The following SLC6A17 variants were observed in gnomAD, a reference collection of about 807,000 sequenced individuals.
The protein encoded by SLC6A17 is solute carrier family 6 member 17, also known as sodium-dependent neutral amino acid transporter SLC6A17.
SLC6A17 carries 21 observed loss-of-function variants against 64.5 expected under a neutral mutation model. The ratio of observed to expected loss-of-function variants is 0.33; its 90% confidence interval spans 0.23 to 0.47. The LOEUF (loss-of-function observed/expected upper bound fraction) is 0.47. SLC6A17 is among the 20% of genes least tolerant of loss of function. The pLI, the probability that SLC6A17 is intolerant of heterozygous loss-of-function variation, is 1.00. For synonymous variants in SLC6A17, 372 were observed against 399.5 expected (o/e 0.93, Z 0.82); for missense variants, 682 against 963.2 (o/e 0.71, Z 3.86).
intron 1 of SLC6A17, among the ~76,000 whole-genome samples, chr1:110,162,697 A>T (rs1266823354): frequency 6.6e-6 from 1 of 152,180 alleles, no homozygotes; most frequent in Non-Finnish European, 1.5e-5. Flanking sequence ...TCACCAGCAC[A>T]TGGCTTCAGG....
At chr1:110,197,636 A>G in intron 11 of SLC6A17, 37 bp downstream of exon 11, 1 of 1,554,512 alleles carries the variant, frequency 6.4e-7, no homozygotes, top group Non-Finnish European at 8.7e-7. Flanking sequence ...GGACATTTGC[A>G]TCTTCTCAGG....
chr1:110,190,632 C>G (rs978743170), intron 6 of SLC6A17, among the ~76,000 whole-genome samples: 14 of 152,222 alleles, frequency 9.2e-5, no homozygotes, highest in African/African-American at 3.4e-4. Flanking sequence ...GACTTACCCA[C>G]AGGTACTCAG....
At chr1:110,187,831 A>G (rs898921531) in intron 6 of SLC6A17, among the ~76,000 whole-genome samples, 5 of 152,362 alleles carry the variant, frequency 3.3e-5, no homozygotes, top group African/African-American at 1.2e-4. Context: ...AAACTCACCC[A>G]AGAGATGGGA....
rs1657040900 is a variant in SLC6A17 at position 110,198,776 on chromosome 1, C to G, written c.*332C>G. 2 of 244,276 alleles carry G rather than the reference C, an allele frequency of 8.2e-6. No individual in the cohort carries two copies. The highest frequency in any genetic ancestry group is 1.6e-5 in the Non-Finnish European group (2 of 126,718). The allele number at this position is 244,276 out of a possible 1,614,324, so 15.1% of individuals were successfully genotyped here. ...TTCCAAGTGGCCACTGCAGGAGTCACTCACCTCCCTCTCTCCCTGTAACTT... is the reference window on the plus strand; with the variant it reads ...TTCCAAGTGGCCACTGCAGGAGTCAGTCACCTCCCTCTCTCCCTGTAACTT... On this transcript the variant is annotated 3_prime_UTR_variant, in exon 12 of 12. Coordinates refer to ENST00000331565, the MANE Select transcript of SLC6A17 (RefSeq NM_001010898.4).
chr1:110,198,024 G>T, intron 11 of SLC6A17, 52 bp from the exon 12 acceptor site: 31 of 1,558,656 alleles, frequency 2.0e-5, no homozygotes, highest in Non-Finnish European at 2.7e-5. Context: ...GGGCCTGGGC[G>T]GGGAGGGCTG....
At chr1:110,180,468 G>C (rs2101851484) in intron 6 of SLC6A17, among the ~76,000 whole-genome samples, 1 of 152,254 alleles carries the variant, frequency 6.6e-6, no homozygotes, top group East Asian at 1.9e-4. Context: ...AGGAAGCTCT[G>C]GGGGGCTCCA....
At chr1:110,159,755 G>A (rs1217581335) in intron 1 of SLC6A17, among the ~76,000 whole-genome samples, 1 of 152,188 alleles carries the variant, frequency 6.6e-6, no homozygotes, top group African/African-American at 2.4e-5. Context: ...ACTGTCACTT[G>A]GGGCATCCTT....
chr1:110,200,388 A>C lies in SLC6A17; in HGVS notation c.*1944A>C, dbSNP rs1557844307. The C allele has an allele frequency of 9.6e-6, 3 of 312,886 alleles. No homozygotes were observed. The highest frequency in any genetic ancestry group is 1.7e-5 in the Non-Finnish European group (3 of 172,300). 19.4% of individuals were successfully genotyped at this position (312,886 alleles called of 1,614,324 possible). Reference sequence around the variant, plus strand: ...ACCGCAGTCCCCCTCACCCGACAACACCTCCTACCTGGCCCCTTGCCAAAT... The same window carrying C: ...ACCGCAGTCCCCCTCACCCGACAACCCCTCCTACCTGGCCCCTTGCCAAAT... On this transcript the variant is annotated 3_prime_UTR_variant, in exon 12 of 12. Coordinates refer to ENST00000331565, the MANE Select transcript of SLC6A17 (RefSeq NM_001010898.4).
At chr1:110,162,277 C>T (rs1410133490) in intron 1 of SLC6A17, among the ~76,000 whole-genome samples, 1 of 152,244 alleles carries the variant, frequency 6.6e-6, no homozygotes, top group Non-Finnish European at 1.5e-5. Flanking sequence ...TGGAGGGTGG[C>T]AGGGCAGACA....
chr1:110,171,034 G>C (rs1656210475), intron 2 of SLC6A17, among the ~76,000 whole-genome samples: 1 of 152,224 alleles, frequency 6.6e-6, no homozygotes, highest in Non-Finnish European at 1.5e-5. Flanking sequence ...CCAACTGCCA[G>C]AATTTGTGCC....
intron 6 of SLC6A17, among the ~76,000 whole-genome samples, chr1:110,182,345 T>A (rs1441781359): frequency 6.6e-6 from 1 of 151,964 alleles, no homozygotes; most frequent in Admixed American, 6.6e-5. Flanking sequence ...ACATCAAGAG[T>A]ACTCTTTTGG....
intron 1 of SLC6A17, chr1:110,166,297 T>C (rs1288153857): frequency 2.0e-5 from 3 of 152,072 alleles, no homozygotes; most frequent in East Asian, 3.9e-4. Context: ...TTTTTTTTTT[T>C]TAAATCACCT....
At chr1:110,157,688 C>G (rs922807919) in intron 1 of SLC6A17, among the ~76,000 whole-genome samples, 1 of 152,202 alleles carries the variant, frequency 6.6e-6, no homozygotes, top group East Asian at 1.9e-4. Flanking sequence ...AAAACCCCAA[C>G]TCCTTTCCAT....
chr1:110,169,930 G>A (rs1170038605), intron 2 of SLC6A17, among the ~76,000 whole-genome samples: 1 of 152,186 alleles, frequency 6.6e-6, no homozygotes, highest in Non-Finnish European at 1.5e-5. Flanking sequence ...TTAGGCCTTG[G>A]TGTGGTAGAG....
At chr1:110,194,482 A>C in intron 8 of SLC6A17, 97 bp from the exon 9 acceptor site, 19 of 1,292,336 alleles carry the variant, frequency 1.5e-5, no homozygotes, top group Non-Finnish European at 1.5e-5. Flanking sequence ...GAAAGAGGGA[A>C]TAGTTATTCC....
intron 6 of SLC6A17, among the ~76,000 whole-genome samples, chr1:110,190,234 C>A (rs1017395078): frequency 6.6e-6 from 1 of 152,144 alleles, no homozygotes; most frequent in African/African-American, 2.4e-5. Context: ...GGGTTCTGGG[C>A]TTTCTTGGTG....
At chr1:110,188,652 C>T (rs1450886144) in intron 6 of SLC6A17, among the ~76,000 whole-genome samples, 1 of 152,200 alleles carries the variant, frequency 6.6e-6, no homozygotes, top group Non-Finnish European at 1.5e-5. Flanking sequence ...GCTTCCCACC[C>T]CATCCCGATC....
rs755718375 is a variant in SLC6A17 at position 110,167,202 on chromosome 1, G to A, written c.273G>A (p.Gln91=). 2 of 1,611,248 alleles carry A rather than the reference G, an allele frequency of 1.2e-6. No homozygotes were observed. Among genetic ancestry groups the A allele is most frequent in the South Asian group, 2.2e-5 (2 of 90,952 alleles). Residue 91 remains glutamine (Q), a synonymous_variant, in exon 2 of 12, where the codon CAG becomes CAA. Coordinates refer to ENST00000331565, the MANE Select transcript of SLC6A17 (RefSeq NM_001010898.4). ...TCTGGAGGTTCCCCTACCTGTGCCA[G>A]AAAAATGGAGGAGGTAAGAGACAGC... The part of the protein sequence containing the change: ...GNIWRFPYLC[Q]KNGGGAYLVP...
intron 1 of SLC6A17, among the ~76,000 whole-genome samples, chr1:110,159,355 A>G (rs1006789991): frequency 1.3e-5 from 2 of 152,192 alleles, no homozygotes; most frequent in African/African-American, 4.8e-5. Context: ...TGGAACCACA[A>G]GATCTGTTTG....
Sources: gnomAD v4.1 joint callset for allele counts (sites outside exome capture counted in the v4.1 genomes callset) on GRCh38, gnomAD v4.1.1 for gene constraint, MANE v1.5 for transcripts, NCBI Gene and HGNC (gene_info 2026-07-23, HGNC 2026-07-21) for gene names.